Variants in MPHOSPH9 observed in about 807,000 individuals in gnomAD.
MPHOSPH9 encodes M-phase phosphoprotein 9.
In MPHOSPH9, 88 loss-of-function variants were observed where a neutral mutation model predicts 145.5. The observed-to-expected ratio is 0.60, with a 90% confidence interval of 0.51 to 0.72. The LOEUF (loss-of-function observed/expected upper bound fraction) is 0.72. Among genes scored for constraint, MPHOSPH9 ranks in the 30% least tolerant of loss-of-function variants. The pLI, the probability that MPHOSPH9 is intolerant of heterozygous loss-of-function variation, is 0.00. For synonymous variants in MPHOSPH9, 435 were observed against 486.2 expected (o/e 0.89, Z 1.39); for missense variants, 1,238 against 1,386.6 (o/e 0.89, Z 1.70).
At chr12:123,204,837 T>C (rs2046360186) in intron 8 of MPHOSPH9, among the ~76,000 whole-genome samples, 1 of 152,160 alleles carries the variant, frequency 6.6e-6, no homozygotes, top group South Asian at 2.1e-4. Context: ...ATCATGCCAC[T>C]GTACTCCTTC....
downstream of MPHOSPH9, chr12:123,152,461 C>A (rs995479704): frequency 2.0e-4 from 81 of 412,304 alleles, no homozygotes; most frequent in South Asian, 7.6e-4. Flanking sequence ...TGTCTACCCA[C>A]CAGCAGCACT....
In MPHOSPH9 at chr12:123,228,544, C is replaced by T. The variant is rs955652087; in HGVS notation, c.105-928G>A. On this transcript the variant is annotated intron_variant, in intron 2 of 23. Transcript: ENST00000606320. Reference sequence around the variant, plus strand: ...CTCTACTAAAATACAAAAAATTAGCCGGGTGTGGTAGTGCGTGCCTGTAGT... The same window carrying T: ...CTCTACTAAAATACAAAAAATTAGCTGGGTGTGGTAGTGCGTGCCTGTAGT... Among the ~76,000 whole-genome samples the T allele has an allele frequency of 4.6e-5, 7 of 151,996 alleles. No homozygotes were observed. The South Asian group carries it at 6.2e-4, about 13-fold the overall frequency.
Position 123,166,647 on chromosome 12 carries a change from T to C in MPHOSPH9, c.2591+8A>G. ...CCCTAAATAGAATCTTTAGCAAAGT[T>C]ATCTCACCCTAGGCTACAGGTTTCC... On this transcript the variant is annotated splice_region_variant and intron_variant, in intron 17 of 23. Coordinates refer to ENST00000606320, the MANE Select transcript of MPHOSPH9 (RefSeq NM_022782.4). 1 of 1,609,770 alleles carries C rather than the reference T, an allele frequency of 6.2e-7. No individual in the cohort carries two copies. The highest frequency in any genetic ancestry group is 8.5e-7 in the Non-Finnish European group (1 of 1,178,942).
At chr12:123,211,047 C>T (rs536875346) in intron 7 of MPHOSPH9, among the ~76,000 whole-genome samples, 2 of 127,612 alleles carry the variant, frequency 1.6e-5, no homozygotes, top group African/African-American at 3.0e-5. Flanking sequence ...TGCAATGGCA[C>T]GAGCTCGGCT....
intron 1 of MPHOSPH9, among the ~76,000 whole-genome samples, chr12:123,232,021 G>A (rs1248663701): frequency 1.3e-5 from 2 of 150,990 alleles, no homozygotes; most frequent in African/African-American, 4.9e-5. Flanking sequence ...AGGGACAGGA[G>A]TGAATGCAAA....
chr12:123,219,198 C>T (rs746232515), intron 5 of MPHOSPH9, among the ~76,000 whole-genome samples: 1 of 151,952 alleles, frequency 6.6e-6, no homozygotes, highest in Non-Finnish European at 1.5e-5. Flanking sequence ...AGCCACTGCG[C>T]CCAGCCAGTT....
chr12:123,218,253 A>C, intron 6 of MPHOSPH9, 123 bp downstream of exon 6: 1 of 1,388,408 alleles, frequency 7.2e-7, no homozygotes, highest in Non-Finnish European at 9.7e-7. Context: ...CAACAAAAAA[A>C]ATGTATAAAT....
chr12:123,213,565 A>G (rs1217601528), intron 7 of MPHOSPH9, among the ~76,000 whole-genome samples: 2 of 152,090 alleles, frequency 1.3e-5, no homozygotes, highest in African/African-American at 4.8e-5. Flanking sequence ...TCTCAAACTC[A>G]TGGCCTCAAG....
intron 17 of MPHOSPH9, 148 bp from the exon 18 acceptor site, chr12:123,165,625 G>C (rs1417928866): frequency 7.2e-6 from 5 of 697,416 alleles, no homozygotes; most frequent in Non-Finnish European, 1.2e-5. Context: ...ATTAGGGTTG[G>C]ATGAGGTCAT....
At chr12:123,198,179 A>T (rs928496674) in intron 12 of MPHOSPH9, 68 bp downstream of exon 12, 1 of 1,184,342 alleles carries the variant, frequency 8.4e-7, no homozygotes, top group African/African-American at 1.5e-5. Context: ...GACAAGAAAC[A>T]TAACTGATGT....
At chr12:123,184,744 C>T (rs1042439402) in intron 13 of MPHOSPH9, among the ~76,000 whole-genome samples, 1 of 151,906 alleles carries the variant, frequency 6.6e-6, no homozygotes, top group Non-Finnish European at 1.5e-5. Context: ...GTGATCTACC[C>T]GCCTCGGCCT....
chr12:123,180,004 G>C lies in MPHOSPH9; in HGVS notation c.2290-14C>G. 1 of 1,332,760 alleles carries C rather than the reference G, an allele frequency of 7.5e-7. No individual in the cohort carries two copies. Among genetic ancestry groups the C allele is most frequent in the East Asian group, 2.7e-5 (1 of 36,994 alleles). The allele number at this position is 1,332,760 out of a possible 1,614,324, so 82.6% of individuals were successfully genotyped here. A position where few individuals can be genotyped will look rare whatever the true frequency, so the allele number is the denominator to read the frequency against. ...ATTTAATGCATCCTATGGAAATAAA[G>C]GAGAAATTCAGATAACTGAAGACAA... On this transcript the variant is annotated splice_polypyrimidine_tract_variant and intron_variant, in intron 14 of 23. Transcript: ENST00000606320.
intron 13 of MPHOSPH9, among the ~76,000 whole-genome samples, chr12:123,186,939 C>T (rs11057186): frequency 0.02 from 3,057 of 152,056 alleles, 41 homozygotes; most frequent in Non-Finnish European, 0.032. Flanking sequence ...CCAGCCTGGG[C>T]GACAGAACAA....
Position 123,198,847 on chromosome 12 carries a change from T to G in MPHOSPH9, c.1938-513A>C, listed in dbSNP as rs552932117. 7.3e-5 allele frequency among the ~76,000 whole-genome samples: 11 copies of G among 150,626 alleles called. No homozygotes were observed. In the East Asian group the frequency reaches 1.6e-3, roughly 21 times the overall value. Reference sequence around the variant, plus strand: ...AAAAAAAAAAAAAGCCTAAAATAATTTTTTTAAAAGATATAAAAAAAAGAC... The same window carrying G: ...AAAAAAAAAAAAAGCCTAAAATAATGTTTTTAAAAGATATAAAAAAAAGAC... On this transcript the variant is annotated intron_variant, in intron 11 of 23. Transcript: ENST00000606320.
chr12:123,224,719 C>T (rs1052333439), intron 3 of MPHOSPH9, among the ~76,000 whole-genome samples: 2 of 152,260 alleles, frequency 1.3e-5, no homozygotes, highest in East Asian at 1.9e-4. Flanking sequence ...GAAGAATTGT[C>T]CTGTGTCCAT....
chr12:123,220,551 G>A (rs1386448680), intron 5 of MPHOSPH9, among the ~76,000 whole-genome samples: 4 of 151,810 alleles, frequency 2.6e-5, no homozygotes, highest in Non-Finnish European at 5.9e-5. Flanking sequence ...GGAGACAAGA[G>A]CAAGACTCCA....
Position 123,194,385 on chromosome 12 carries a change from C to A in MPHOSPH9, c.2241+1G>T. 4 of 1,572,886 alleles carry A rather than the reference C, an allele frequency of 2.5e-6. No individual in the cohort carries two copies. Among genetic ancestry groups the A allele is most frequent in the Non-Finnish European group, 3.5e-6 (4 of 1,155,892 alleles). On this transcript the variant is annotated splice_donor_variant, in intron 13 of 23. Coordinates refer to ENST00000606320, the MANE Select transcript of MPHOSPH9 (RefSeq NM_022782.4). LOFTEE classifies it high-confidence loss of function. ...TTAAGTTACTATTATTCGCTACTTACATCTTGAAACATTTTGTTCTCTTGT... is the reference window on the plus strand; with the variant it reads ...TTAAGTTACTATTATTCGCTACTTAAATCTTGAAACATTTTGTTCTCTTGT...
chr12:123,166,490 A>G, intron 17 of MPHOSPH9, 165 bp downstream of exon 17: 1 of 806,272 alleles, frequency 1.2e-6, no homozygotes, highest in South Asian at 1.7e-5. Context: ...TCATGGAAGT[A>G]AAATATTCTA....
chr12:123,206,744 T>A (rs887579013), intron 8 of MPHOSPH9, among the ~76,000 whole-genome samples: 1 of 150,570 alleles, frequency 6.6e-6, no homozygotes, highest in Non-Finnish European at 1.5e-5. Context: ...GAACCTCGTC[T>A]CTACTAAAAA....
Sources: gnomAD v4.1 joint callset for allele counts (sites outside exome capture counted in the v4.1 genomes callset) on GRCh38, gnomAD v4.1.1 for gene constraint, MANE v1.5 for transcripts, NCBI Gene and HGNC (gene_info 2026-07-23, HGNC 2026-07-21) for gene names.